The following PRKG1 variants were observed in gnomAD, a reference collection of about 807,000 sequenced individuals.
PRKG1 encodes the protein protein kinase cGMP-dependent 1, also known as cGMP-dependent protein kinase 1.
A neutral mutation model predicts 88.1 loss-of-function variants in PRKG1; 35 were observed. The observed-to-expected ratio is 0.40, with a 90% CI of 0.30 to 0.53. The LOEUF (loss-of-function observed/expected upper bound fraction) is 0.53. PRKG1 is among the 20% of genes least tolerant of loss of function. The pLI is 0.59. For synonymous variants in PRKG1, 303 were observed against 292.5 expected (o/e 1.04, Z -0.37); for missense variants, 540 against 839.8 (o/e 0.64, Z 4.41).
At chr10:51,142,877 C>T (rs923727338) in intron 1 of PRKG1, among the ~76,000 whole-genome samples, 1 of 152,038 alleles carries the variant, frequency 6.6e-6, no homozygotes, top group Non-Finnish European at 1.5e-5. Flanking sequence ...ACATCATATG[C>T]TTTTATCATG....
At chr10:52,269,052 G>A (rs552373390) in intron 10 of PRKG1, among the ~76,000 whole-genome samples, 1 of 150,740 alleles carries the variant, frequency 6.6e-6, no homozygotes, top group East Asian at 2.0e-4. Flanking sequence ...CTCCTACCCT[G>A]TGTACAAGTA....
rs1842376207 is a variant in PRKG1 at position 52,296,107 on chromosome 10, T to C, written c.*2207T>C. On this transcript the variant is annotated 3_prime_UTR_variant, in exon 18 of 18. Coordinates refer to ENST00000373980, the MANE Select transcript of PRKG1 (RefSeq NM_006258.4). ...TTCAGTAACTTTTGTTGAAAGATAA[T>C]GTGGTTTAGGCTTGCTAAAGAAAGG... 6.6e-6 allele frequency: 1 copy of C among 152,060 alleles called. No individual in the cohort carries two copies. Among genetic ancestry groups the C allele is most frequent in the Non-Finnish European group, 1.5e-5 (1 of 67,938 alleles). The allele number at this position is 152,060 out of a possible 1,614,324, so 9.4% of individuals were successfully genotyped here.
rs72803111 is a variant in PRKG1, at chr10:52,052,634, C to A, written c.763-1850C>A. ...ATCATGGCAGAAGGCAAAAGGCACT[C>A]TTACATGGTGGCAGACAAGACACAA... On this transcript the variant is annotated intron_variant, in intron 5 of 17. Coordinates refer to ENST00000373980, the MANE Select transcript of PRKG1 (RefSeq NM_006258.4). 8.0e-3 allele frequency among the ~76,000 whole-genome samples: 1,210 copies of A among 152,092 alleles called. 13 individuals are homozygous for A. The highest frequency in any genetic ancestry group is 0.015 in the Admixed American group (234 of 15,248).
intron 3 of PRKG1, among the ~76,000 whole-genome samples, chr10:51,759,918 T>TAG: frequency 6.6e-6 from 1 of 152,180 alleles, no homozygotes; most frequent in Admixed American, 6.5e-5. Flanking sequence ...AGAGTTCTAG[T>TAG]TTTATTATTG....
chr10:51,699,609 C>A, intron 3 of PRKG1: 4 of 1,532,510 alleles, frequency 2.6e-6, no homozygotes, highest in East Asian at 2.3e-5. Context: ...CTCTTGCGAC[C>A]GACACTTCCG....
chr10:51,247,998 TAAC>T (rs370499770), intron 2 of PRKG1, among the ~76,000 whole-genome samples: 320 of 152,026 alleles, frequency 2.1e-3, no homozygotes, highest in African/African-American at 7.4e-3. Flanking sequence ...CTGTGTCTGT[TAAC>T]AACAACAATA....
intron 2 of PRKG1, among the ~76,000 whole-genome samples, chr10:51,335,359 A>G (rs1822690): frequency 0.61 from 93,328 of 151,802 alleles, 29,038 homozygotes; most frequent in African/African-American, 0.71. Flanking sequence ...TTGACACATT[A>G]TATGAAAGGA....
intron 3 of PRKG1, among the ~76,000 whole-genome samples, chr10:51,590,477 T>C (rs764241014): frequency 1.3e-5 from 2 of 152,194 alleles, no homozygotes; most frequent in Non-Finnish European, 2.9e-5. Context: ...CTTTCATATA[T>C]TCCCCAAACA....
chr10:51,376,956 C>T (rs1026258737), intron 2 of PRKG1, among the ~76,000 whole-genome samples: 5 of 152,086 alleles, frequency 3.3e-5, no homozygotes, highest in African/African-American at 9.7e-5. Context: ...GGAGTACAGT[C>T]GTGAGCCACT....
At chr10:51,794,250 T>C (rs752745145) in intron 3 of PRKG1, among the ~76,000 whole-genome samples, 3 of 152,012 alleles carry the variant, frequency 2.0e-5, no homozygotes, top group Non-Finnish European at 2.9e-5. Flanking sequence ...AATAGGATAA[T>C]AGTAGAAGAC....
At chr10:51,662,569 C>G (rs1039722774) in intron 3 of PRKG1, among the ~76,000 whole-genome samples, 2 of 152,030 alleles carry the variant, frequency 1.3e-5, no homozygotes, top group Non-Finnish European at 2.9e-5. Context: ...TGTACTAGTC[C>G]TTGGGGAAAT....
intron 3 of PRKG1, among the ~76,000 whole-genome samples, chr10:51,515,087 A>G (rs965738931): frequency 9.2e-5 from 14 of 152,204 alleles, no homozygotes; most frequent in African/African-American, 3.4e-4. Context: ...CCTGCCTCCC[A>G]TGAGACAAGT....
intron 2 of PRKG1, among the ~76,000 whole-genome samples, chr10:51,385,774 T>C (rs1837233641): frequency 6.6e-6 from 1 of 152,172 alleles, no homozygotes; most frequent in African/African-American, 2.4e-5. Flanking sequence ...TCAGAAAGTC[T>C]CTTTATTTCT....
At chr10:51,474,492 T>C (rs531988737) in intron 3 of PRKG1, among the ~76,000 whole-genome samples, 37 of 152,152 alleles carry the variant, frequency 2.4e-4, no homozygotes, top group African/African-American at 8.4e-4. Flanking sequence ...ATAAGTTTAA[T>C]GCCTTAGAGA....
intron 7 of PRKG1, among the ~76,000 whole-genome samples, chr10:52,103,475 T>A (rs2132571657): frequency 6.6e-6 from 1 of 152,158 alleles, no homozygotes; most frequent in East Asian, 1.9e-4. Context: ...CCACTTTCAC[T>A]TAAGGAATTA....
chr10:51,759,164 C>T (rs539469650), intron 3 of PRKG1, among the ~76,000 whole-genome samples: 2 of 152,208 alleles, frequency 1.3e-5, no homozygotes, highest in East Asian at 3.9e-4. Flanking sequence ...CATACATGTG[C>T]ATGTATCTTT....
intron 5 of PRKG1, among the ~76,000 whole-genome samples, chr10:51,949,940 T>C (rs16925131): frequency 0.11 from 17,038 of 152,170 alleles, 1,213 homozygotes; most frequent in East Asian, 0.35. Flanking sequence ...AAGGAGCGCT[T>C]GGGTGAAGAT....
chr10:51,903,302 G>A (rs1000139250), intron 4 of PRKG1, among the ~76,000 whole-genome samples: 1 of 151,984 alleles, frequency 6.6e-6, no homozygotes, highest in African/African-American at 2.4e-5. Flanking sequence ...GACACTTTTG[G>A]ACAATAGGTA....
rs1480756312 is a variant in PRKG1, at chr10:50,991,452, G to T, written c.74G>T (p.Arg25Leu). The T allele has an allele frequency of 6.2e-7, 1 of 1,603,996 alleles. No individual in the cohort carries two copies. The highest frequency in any genetic ancestry group is 8.5e-7 in the Non-Finnish European group (1 of 1,175,708). The change falls in exon 1 of 18, where the codon CGG becomes CTG. Residue 25 changes from arginine (R) to leucine (L), a missense_variant. Transcript: ENST00000401604. This position sits in a 1 kb window ranked among gnomAD's most constrained non-coding sequence, Gnocchi z 4.5. ...GAGAGGATCAAAGAGCTGGAGAAGC[G>T]GCTGTCAGAGAAGGAGGAAGAAATT... is the stretch of plus-strand genomic sequence containing the variant.
Sources: allele counts gnomAD v4.1 joint callset (sites outside exome capture counted in the v4.1 genomes callset), GRCh38; gene constraint gnomAD v4.1.1; non-coding constraint Gnocchi (gnomAD v3.1); transcripts MANE v1.5; gene names NCBI Gene and HGNC (gene_info 2026-07-23, HGNC 2026-07-21).